Variants in CELF2 observed in about 807,000 individuals in gnomAD.
CELF2 encodes CUG triplet repeat RNA-binding protein 2.
CELF2 carries 8 observed loss-of-function variants against 62.6 expected under a neutral mutation model. The observed-to-expected ratio is 0.13, with a 90% CI of 0.07 to 0.23. The LOEUF (loss-of-function observed/expected upper bound fraction) is 0.23, where lower values mean the gene tolerates loss of function less well. Among genes scored for constraint, CELF2 ranks in the 10% least tolerant of loss-of-function variants. The pLI, the probability that CELF2 is intolerant of heterozygous loss-of-function variation, is 1.00. For synonymous variants in CELF2, 258 were observed against 250.0 expected, an observed-to-expected ratio of 1.03 and a Z score of -0.30; for missense variants, 333 against 671.0, an observed-to-expected ratio of 0.50 and a Z score of 5.56.
In CELF2 at chr10:11,331,628, A is replaced by G. The variant is rs1266256241; in HGVS notation, c.*2575A>G. On this transcript the variant is annotated 3_prime_UTR_variant, in exon 13 of 13. Coordinates refer to ENST00000633077, the MANE Select transcript of CELF2 (RefSeq NM_001326342.2). The stretch of plus-strand genomic sequence containing the variant: ...TTAAAAAAAAAAACAAAACAAAAAA[A>G]GGTTACAAAGTTTGTTAACTTGCTA... 6.6e-6 allele frequency: 1 copy of G among 152,282 alleles called. No homozygotes were observed. The highest frequency in any genetic ancestry group is 1.5e-5 in the Non-Finnish European group (1 of 67,936). The allele number at this position is 152,282 out of a possible 1,614,324, so 9.4% of individuals were successfully genotyped here.
intron 2 of CELF2, among the ~76,000 whole-genome samples, chr10:10,921,352 C>G (rs571375994): frequency 6.6e-6 from 1 of 150,856 alleles, no homozygotes; most frequent in African/African-American, 2.4e-5. Flanking sequence ...TCACTGCAAC[C>G]TCCGCCCCTG....
intron 1 of CELF2, among the ~76,000 whole-genome samples, chr10:10,897,481 A>G (rs1455326097): frequency 6.6e-6 from 1 of 152,156 alleles, no homozygotes; most frequent in Non-Finnish European, 1.5e-5. Flanking sequence ...TGAGGGAGTA[A>G]CTATTAAACA....
intron 1 of CELF2, among the ~76,000 whole-genome samples, chr10:11,093,400 A>G (rs2048870084): frequency 1.3e-5 from 2 of 152,192 alleles, no homozygotes; most frequent in African/African-American, 4.8e-5. Context: ...ATTTAAACTA[A>G]TAAAAATTTT....
chr10:11,017,865 G>A (rs2057508178), upstream of CELF2: 4 of 826,750 alleles, frequency 4.8e-6, no homozygotes, highest in South Asian at 5.5e-5. This position sits in a 1 kb window ranked among gnomAD's most constrained non-coding sequence, Gnocchi z 5.5. Flanking sequence ...GGCGCCCCGC[G>A]AGCTCCGCCC....
the CELF2 span, among the ~76,000 whole-genome samples, chr10:10,659,997 A>G: frequency 3.3e-5 from 5 of 152,202 alleles, no homozygotes; most frequent in Non-Finnish European, 1.5e-5. Context: ...AGATGTGACA[A>G]TAGAAGTTCA....
chr10:11,118,959 A>G (rs2057150994), intron 1 of CELF2, among the ~76,000 whole-genome samples: 1 of 152,234 alleles, frequency 6.6e-6, no homozygotes, highest in Non-Finnish European at 1.5e-5. Context: ...CTCCCCTGCC[A>G]GTCTCCGATG....
In CELF2 at chr10:11,010,758, C is replaced by T. The variant is rs962526199; in HGVS notation, c.53+5318C>T. 3 of 152,168 alleles carry T rather than the reference C, an allele frequency of 2.0e-5. No homozygotes were observed. The highest frequency in any genetic ancestry group is 4.8e-5 in the African/African-American group (2 of 41,422). The allele number at this position is 152,168 out of a possible 1,614,324, so 9.4% of individuals were successfully genotyped here. A position where few individuals can be genotyped will look rare whatever the true frequency, so the allele number is the denominator to read the frequency against. On this transcript the variant is annotated intron_variant, in intron 1 of 12. Transcript: ENST00000416382. The surrounding 1 kb of genome is among the most constrained non-coding windows in gnomAD (Gnocchi z 4.1). ...TCTGGTGCTGTGGTTCCACTGTAGA[C>T]GTTGATTTGTGTCTCCTGGCTTTAA...
chr10:11,065,682 A>G (rs958480096), intron 1 of CELF2, among the ~76,000 whole-genome samples: 1 of 147,460 alleles, frequency 6.8e-6, no homozygotes, highest in East Asian at 2.7e-4. Context: ...GCATCAGTGA[A>G]CAAGACAGAC....
chr10:11,298,498 C>T (rs990114532), intron 9 of CELF2, among the ~76,000 whole-genome samples: 4 of 152,106 alleles, frequency 2.6e-5, no homozygotes, highest in Non-Finnish European at 2.9e-5. Flanking sequence ...AAACTCATGC[C>T]GGGGCAGAGG....
chr10:10,867,196 A>G (rs1249371921), intron 1 of CELF2, among the ~76,000 whole-genome samples: 2 of 152,142 alleles, frequency 1.3e-5, no homozygotes, highest in South Asian at 2.1e-4. Context: ...ATTTCAAGCT[A>G]CCAACATGAT....
chr10:11,254,351 G>A (rs1426484735), intron 4 of CELF2, among the ~76,000 whole-genome samples: 2 of 152,320 alleles, frequency 1.3e-5, no homozygotes, highest in Non-Finnish European at 2.9e-5. Context: ...ACACGCACAG[G>A]TGCGCTCACA....
At chr10:10,960,216 G>T (rs1211667196) in intron 2 of CELF2, 1 of 152,222 alleles carries the variant, frequency 6.6e-6, no homozygotes, top group Non-Finnish European at 1.5e-5. Flanking sequence ...TGGAGGCATT[G>T]AAGCAACTTG....
At chr10:11,040,519 T>C (rs1416841074) in intron 1 of CELF2, among the ~76,000 whole-genome samples, 1 of 152,182 alleles carries the variant, frequency 6.6e-6, no homozygotes, top group Non-Finnish European at 1.5e-5. Context: ...ATCTTCTATG[T>C]AGCGACGCAC....
chr10:11,071,413 C>T (rs1014564240), intron 1 of CELF2: 1 of 152,240 alleles, frequency 6.6e-6, no homozygotes, highest in African/African-American at 2.4e-5. Context: ...ACTTCCCTGC[C>T]AGAGTCGAAC....
At chr10:10,705,950 G>A in the CELF2 span, among the ~76,000 whole-genome samples, 1 of 152,150 alleles carries the variant, frequency 6.6e-6, no homozygotes, top group African/African-American at 2.4e-5. Flanking sequence ...TTCATGGTCA[G>A]GCCCAGCCTC....
rs535802355 is a variant in CELF2, at chr10:11,247,002, G to C, written c.355-2151G>C. Among the ~76,000 whole-genome samples the C allele has an allele frequency of 1.1e-4, 17 of 152,250 alleles. No homozygotes were observed. In the East Asian group the frequency reaches 3.3e-3, roughly 29 times the overall value. Reference sequence around the variant, plus strand: ...CACAGTCACCTGGTTGTACAGACCTGGAGTTCCCCTTCTCCACCATCCCCA... The same window carrying C: ...CACAGTCACCTGGTTGTACAGACCTCGAGTTCCCCTTCTCCACCATCCCCA... On this transcript the variant is annotated intron_variant, in intron 3 of 12. Transcript: ENST00000633077. This position sits in a 1 kb window ranked among gnomAD's most constrained non-coding sequence, Gnocchi z 5.4.
chr10:10,730,056 T>A, the CELF2 span, among the ~76,000 whole-genome samples: 2 of 152,294 alleles, frequency 1.3e-5, no homozygotes, highest in South Asian at 4.1e-4. Context: ...AATGACACTA[T>A]CCCAAGATTA....
At chr10:11,233,095 A>G (rs2069461145) in intron 3 of CELF2, among the ~76,000 whole-genome samples, 1 of 152,200 alleles carries the variant, frequency 6.6e-6, no homozygotes, top group South Asian at 2.1e-4. Flanking sequence ...CCTACCTAGA[A>G]TTCAGTAAAA....
chr10:10,845,683 C>A (rs1027509764), intron 1 of CELF2, among the ~76,000 whole-genome samples: 2 of 152,110 alleles, frequency 1.3e-5, no homozygotes, highest in Admixed American at 6.6e-5. Flanking sequence ...ATATCACATG[C>A]ATCTACAATT....
Sources: gnomAD v4.1 joint callset for allele counts (sites outside exome capture counted in the v4.1 genomes callset) on GRCh38, gnomAD v4.1.1 for gene constraint, Gnocchi (gnomAD v3.1) non-coding constraint, MANE v1.5 for transcripts, NCBI Gene and HGNC (gene_info 2026-07-23, HGNC 2026-07-21) for gene names.